Variants in PPP6R3 observed in about 807,000 individuals in gnomAD.
The protein encoded by PPP6R3 is protein phosphatase 6 regulatory subunit 3.
PPP6R3 carries 38 observed loss-of-function variants against 110.7 expected under a neutral mutation model. The observed-to-expected ratio is 0.34, with a 90% CI of 0.26 to 0.45. The LOEUF (loss-of-function observed/expected upper bound fraction) is 0.45. PPP6R3 is among the 20% of genes least tolerant of loss of function. The probability of loss-of-function intolerance (pLI) is 1.00; values close to 1 mark genes in which losing one functional copy is unlikely to be tolerated. For synonymous variants in PPP6R3, 369 were observed against 373.5 expected (o/e 0.99, Z 0.14); for missense variants, 870 against 1,062.4 (o/e 0.82, Z 2.52).
At chr11:68,550,344 C>G (rs556505294) in intron 5 of PPP6R3, among the ~76,000 whole-genome samples, 2 of 152,074 alleles carry the variant, frequency 1.3e-5, no homozygotes, top group Non-Finnish European at 2.9e-5. Context: ...CCCCGCTGCC[C>G]GCCCTAGTCT....
intron 22 of PPP6R3, among the ~76,000 whole-genome samples, chr11:68,607,446 A>G (rs1226606383): frequency 2.0e-5 from 3 of 152,320 alleles, no homozygotes; most frequent in East Asian, 1.9e-4. Context: ...TTAAAAGACA[A>G]TAAGAAAAAC....
intron 1 of PPP6R3, among the ~76,000 whole-genome samples, chr11:68,486,794 CTT>C (rs988044024): frequency 1.1e-4 from 17 of 152,044 alleles, no homozygotes; most frequent in African/African-American, 4.1e-4. Flanking sequence ...AAGATTATCT[CTT>C]TTTGTGTACA....
intron 20 of PPP6R3, among the ~76,000 whole-genome samples, chr11:68,601,326 T>G (rs933968436): frequency 6.6e-6 from 1 of 152,176 alleles, no homozygotes; most frequent in Non-Finnish European, 1.5e-5. Flanking sequence ...TTTGTGGGAA[T>G]GAGGGATAAA....
At chr11:68,601,168 G>A (rs927727385) in intron 20 of PPP6R3, among the ~76,000 whole-genome samples, 21 of 152,094 alleles carry the variant, frequency 1.4e-4, no homozygotes, top group African/African-American at 3.1e-4. Flanking sequence ...GAGTTATTTC[G>A]TCTACCCCGC....
At chr11:68,514,516 T>C (rs868614581) in intron 1 of PPP6R3, among the ~76,000 whole-genome samples, 7 of 152,258 alleles carry the variant, frequency 4.6e-5, no homozygotes, top group Admixed American at 1.3e-4. Context: ...CATGTGATTA[T>C]TGCCTATTTT....
intron 14 of PPP6R3, among the ~76,000 whole-genome samples, chr11:68,578,614 G>T (rs1327437456): frequency 6.6e-6 from 1 of 152,160 alleles, no homozygotes; most frequent in Non-Finnish European, 1.5e-5. Context: ...TTACAGCAAG[G>T]ATACATTCAT....
At chr11:68,594,322 A>AAGAGAGAGAGAGTGAG (rs914899726) in intron 18 of PPP6R3, among the ~76,000 whole-genome samples, 1,522 of 125,242 alleles carry the variant, frequency 0.012, 8 homozygotes, top group African/African-American at 0.022. Flanking sequence ...GAGAGAGAAA[A>AAGAGAGAGAGAGTGAG]AGAGAGAGAG....
rs1308863603 is a variant in PPP6R3, at chr11:68,613,396, T to TAATA, written c.*281_*284dup. ...GTGAAATAAGATCTTGCCACCCATGTAATAATAGTAGTAATACTATAGTTA... is the reference window on the plus strand; with the variant it reads ...GTGAAATAAGATCTTGCCACCCATGTAATAAATAATAGTAGTAATACTATAGTTA... On this transcript the variant is annotated 3_prime_UTR_variant, in exon 24 of 24. Coordinates refer to ENST00000393800, the MANE Select transcript of PPP6R3 (RefSeq NM_001164161.2). 6.9e-6 allele frequency: 8 copies of TAATA among 1,152,490 alleles called. No individual in the cohort carries two copies. Among genetic ancestry groups the TAATA allele is most frequent in the Non-Finnish European group, 8.5e-6 (8 of 936,662 alleles). 71.4% of individuals were successfully genotyped at this position (1,152,490 alleles called of 1,614,324 possible).
At chr11:68,477,451 T>C (rs189597769) in intron 1 of PPP6R3, among the ~76,000 whole-genome samples, 104 of 152,160 alleles carry the variant, frequency 6.8e-4, no homozygotes, top group African/African-American at 2.4e-3. Flanking sequence ...CCAGGTGCAG[T>C]GACTTATGCC....
At chr11:68,575,729 G>A (rs2099528462) in intron 13 of PPP6R3, among the ~76,000 whole-genome samples, 3 of 152,164 alleles carry the variant, frequency 2.0e-5, no homozygotes, top group Admixed American at 2.0e-4. Context: ...CATTGGGTAG[G>A]GGGATTCTGG....
chr11:68,561,272 C>T (rs2099418697), intron 8 of PPP6R3, among the ~76,000 whole-genome samples: 1 of 151,774 alleles, frequency 6.6e-6, no homozygotes, highest in African/African-American at 2.4e-5. Context: ...CATTTTTTTC[C>T]ACCTTTTTTT....
intron 16 of PPP6R3, among the ~76,000 whole-genome samples, chr11:68,590,018 G>A (rs1006634883): frequency 2.0e-5 from 3 of 152,202 alleles, no homozygotes; most frequent in African/African-American, 4.8e-5. Flanking sequence ...CGACATTCAC[G>A]TGCCTGGACT....
At chr11:68,506,878 T>A (rs1456123736) in intron 1 of PPP6R3, among the ~76,000 whole-genome samples, 4 of 152,224 alleles carry the variant, frequency 2.6e-5, no homozygotes, top group Non-Finnish European at 5.9e-5. Context: ...TAAGCTTGAT[T>A]GTATACCTTG....
chr11:68,609,361 A>G, intron 22 of PPP6R3: 2 of 669,482 alleles, frequency 3.0e-6, no homozygotes, highest in South Asian at 3.2e-5. Flanking sequence ...CGGTGACCTC[A>G]TGTGACTGAG....
chr11:68,614,239 T>TTG lies in PPP6R3; in HGVS notation c.*1126_*1127dup, dbSNP rs749196576. 2.0e-6 allele frequency: 2 copies of TTG among 990,244 alleles called. No homozygotes were observed. Among genetic ancestry groups the TTG allele is most frequent in the Admixed American group, 6.1e-5 (1 of 16,440 alleles). 61.3% of individuals were successfully genotyped at this position (990,244 alleles called of 1,614,324 possible). On this transcript the variant is annotated 3_prime_UTR_variant, in exon 24 of 24. Transcript: ENST00000393800. Reference sequence around the variant, plus strand: ...ACCAGTGTATTTTTTTAGAACTGGTTTGTGTATATATATAGTGATTATGGA... The same window carrying TTG: ...ACCAGTGTATTTTTTTAGAACTGGTTTGTGTGTATATATATAGTGATTATGGA...
chr11:68,491,627 G>T (rs1393727309), intron 1 of PPP6R3, among the ~76,000 whole-genome samples: 9 of 152,056 alleles, frequency 5.9e-5, no homozygotes, highest in Admixed American at 5.9e-4. Flanking sequence ...CGGGATTATA[G>T]GTGTGAGCCA....
intron 2 of PPP6R3, among the ~76,000 whole-genome samples, chr11:68,530,895 T>G (rs1457026987): frequency 2.6e-5 from 4 of 152,198 alleles, no homozygotes; most frequent in Non-Finnish European, 5.9e-5. Flanking sequence ...AATTTGAAAT[T>G]CATTGACGAT....
chr11:68,573,187 G>T (rs2099517268), intron 12 of PPP6R3, among the ~76,000 whole-genome samples: 1 of 120,170 alleles, frequency 8.3e-6, no homozygotes, highest in Non-Finnish European at 1.7e-5. Flanking sequence ...GTCTTATTTT[G>T]TCACCCAGGT....
chr11:68,570,202 A>G (rs977197383), intron 11 of PPP6R3, among the ~76,000 whole-genome samples: 1 of 152,266 alleles, frequency 6.6e-6, no homozygotes, highest in African/African-American at 2.4e-5. Flanking sequence ...AAATTTAAAT[A>G]CTATGGAAAA....
Sources: gnomAD v4.1 joint callset for allele counts (sites outside exome capture counted in the v4.1 genomes callset) on GRCh38, gnomAD v4.1.1 for gene constraint, MANE v1.5 for transcripts, NCBI Gene and HGNC (gene_info 2026-07-23, HGNC 2026-07-21) for gene names.